DGKD: variants seen among roughly 807,000 people sequenced by gnomAD.
DGKD encodes diacylglycerol kinase delta.
A neutral mutation model predicts 154.4 loss-of-function variants in DGKD; 68 were observed. That is an observed-to-expected ratio of 0.44 (90% CI 0.36 to 0.54). The LOEUF is 0.54. Among genes scored for constraint, DGKD ranks in the 20% least tolerant of loss-of-function variants. The pLI is 0.00. For missense variants in DGKD, 1,343 were observed against 1,593.6 expected (o/e 0.84, Z 2.68); for synonymous variants, 693 against 638.0 (o/e 1.09, Z -1.30).
intron 3 of DGKD, among the ~76,000 whole-genome samples, chr2:233,421,842 G>A (rs2062126438): frequency 6.6e-6 from 1 of 152,234 alleles, no homozygotes. Context: ...TTCCGCAGGA[G>A]CAGGAATCTT....
rs1182776540 is a variant in DGKD, at chr2:233,458,615, T to A, written c.2694+218T>A. Among the ~76,000 whole-genome samples, 2 of 150,554 alleles carry A rather than the reference T, an allele frequency of 1.3e-5. No homozygotes were observed. The highest frequency in any genetic ancestry group is 3.0e-5 in the Non-Finnish European group (2 of 67,476). Reference sequence around the variant, plus strand: ...ATTCTCAAGATAACTCTTTTTAATTTTTTTTTTTTTTTTTGAGACAGAGTC... The same window carrying A: ...ATTCTCAAGATAACTCTTTTTAATTATTTTTTTTTTTTTTGAGACAGAGTC... On this transcript the variant is annotated intron_variant, in intron 22 of 29. Coordinates refer to ENST00000264057, the MANE Select transcript of DGKD (RefSeq NM_152879.3). The surrounding 1 kb of genome is among the most constrained non-coding windows in gnomAD (Gnocchi z 6.6).
chr2:233,462,570 G>T, intron 25 of DGKD, 73 bp from the exon 26 acceptor site: 1 of 1,552,906 alleles, frequency 6.4e-7, no homozygotes, highest in Non-Finnish European at 8.9e-7. Context: ...GGCCCTCCCA[G>T]TGCTTGTTCC....
chr2:233,428,823 GTC>G (rs1401970694), intron 3 of DGKD, among the ~76,000 whole-genome samples: 1 of 152,104 alleles, frequency 6.6e-6, no homozygotes, highest in African/African-American at 2.4e-5. Flanking sequence ...TCAGATCTGG[GTC>G]TCTCTCAGGC....
At chr2:233,412,629 G>A (rs940428785) in intron 3 of DGKD, among the ~76,000 whole-genome samples, 1 of 152,198 alleles carries the variant, frequency 6.6e-6, no homozygotes, top group Non-Finnish European at 1.5e-5. Context: ...CCAGTACAGT[G>A]TTGAATAGGA....
At position 233,418,761 on chromosome 2, in the gene DGKD, G is replaced by A. The variant is rs561605935; in HGVS notation, c.349-15619G>A. 7.9e-5 allele frequency among the ~76,000 whole-genome samples: 12 copies of A among 152,302 alleles called. No homozygotes were observed. In the East Asian group the frequency reaches 2.3e-3, roughly 29 times the overall value. On this transcript the variant is annotated intron_variant, in intron 3 of 29. Transcript: ENST00000264057. Reference sequence around the variant, plus strand: ...GCTGCTCTGAGGCTGCAGGTGAGATGCAGCCCAGGAGAGGAAGTGCATGAC... The same window carrying A: ...GCTGCTCTGAGGCTGCAGGTGAGATACAGCCCAGGAGAGGAAGTGCATGAC...
intron 16 of DGKD, 37 bp downstream of exon 16, chr2:233,450,168 G>T: frequency 6.4e-7 from 1 of 1,567,824 alleles, no homozygotes; most frequent in East Asian, 2.3e-5. Context: ...GCACCGTCGT[G>T]TGCTTGGTTT....
Position 233,383,508 on chromosome 2 carries a change from A to G in DGKD, c.157-4749A>G, listed in dbSNP as rs548952020. 2.2e-4 allele frequency among the ~76,000 whole-genome samples: 33 copies of G among 152,282 alleles called. No homozygotes were observed. In the East Asian group the frequency reaches 3.1e-3, roughly 14 times the overall value. On this transcript the variant is annotated intron_variant, in intron 1 of 29. Coordinates refer to ENST00000264057, the MANE Select transcript of DGKD (RefSeq NM_152879.3). ...TAGTTGAGTTTAGCAGTCATAGCTT[A>G]TATCTAATATTTTTTTCTATTACAT...
intron 1 of DGKD, among the ~76,000 whole-genome samples, chr2:233,357,537 C>CTTT (rs374813757): frequency 4.0e-4 from 52 of 129,186 alleles, no homozygotes; most frequent in African/African-American, 1.3e-3. Context: ...TTCTTTCTTT[C>CTTT]TTTTTTTTTT....
intron 1 of DGKD, among the ~76,000 whole-genome samples, chr2:233,383,164 C>T (rs1014459810): frequency 1.3e-4 from 20 of 151,946 alleles, no homozygotes; most frequent in African/African-American, 4.4e-4. Flanking sequence ...TCCCAGCCAC[C>T]GAAGTAGCTG....
rs570829465 is a variant in DGKD at position 233,375,809 on chromosome 2, T to C, written c.157-12448T>C. On this transcript the variant is annotated intron_variant, in intron 1 of 29. Transcript: ENST00000264057. ...TCACATCAGCCTGTGTCTTTCTTGT[T>C]TCATCTGTCTCCACCCCCTACCCAC... 1.3e-4 allele frequency among the ~76,000 whole-genome samples: 20 copies of C among 152,280 alleles called. No individual in the cohort carries two copies. In the South Asian group the frequency reaches 4.1e-3, roughly 32 times the overall value.
chr2:233,418,824 A>G (rs1195607130), intron 3 of DGKD, among the ~76,000 whole-genome samples: 2 of 152,128 alleles, frequency 1.3e-5, no homozygotes, highest in African/African-American at 2.4e-5. Flanking sequence ...GGTTGCAGAC[A>G]GGGCAGCGTG....
Position 233,448,087 on chromosome 2 carries a change from G to C in DGKD, c.1420G>C (p.Val474Leu), listed in dbSNP as rs2063144623. Residue 474 changes from valine (V) to leucine (L), a missense_variant and splice_region_variant, in exon 13 of 30, where the codon GTA becomes CTA. Val to Leu is a conservative substitution (Grantham distance 32). Coordinates refer to ENST00000264057, the MANE Select transcript of DGKD (RefSeq NM_152879.3). ...VTEDFSEDSE[V>L]QQILFYEDSV... ...TCCTGGCCATTTGGGGTGATTGCAG[G>C]TACAGCAGATTCTCTTCTATGAAGA... 2 of 1,613,996 alleles carry C rather than the reference G, an allele frequency of 1.2e-6. No homozygotes were observed. The highest frequency in any genetic ancestry group is 1.7e-6 in the Non-Finnish European group (2 of 1,180,008).
At position 233,354,813 on chromosome 2, in the gene DGKD, C is replaced by A; in HGVS notation, c.156+139C>A. 3.0e-6 allele frequency: 1 copy of A among 331,462 alleles called. No homozygotes were observed. The allele number at this position is 331,462 out of a possible 1,614,324, so 20.5% of individuals were successfully genotyped here. ...GTCCCGCGGGCGTCACCGCCCCTGT[C>A]GAGCGTGCCCCGCCGCTGTAACGGG... On this transcript the variant is annotated intron_variant, in intron 1 of 29. Coordinates refer to ENST00000264057, the MANE Select transcript of DGKD (RefSeq NM_152879.3). The surrounding 1 kb of genome is among the most constrained non-coding windows in gnomAD (Gnocchi z 4.8).
At chr2:233,405,393 C>T (rs187495311) in intron 3 of DGKD, among the ~76,000 whole-genome samples, 1 of 152,272 alleles carries the variant, frequency 6.6e-6, no homozygotes, top group African/African-American at 2.4e-5. Flanking sequence ...TGGCACATGC[C>T]TGTAATCCCA....
chr2:233,435,633 C>T (rs112497814), intron 5 of DGKD, among the ~76,000 whole-genome samples, 185 bp from the exon 6 acceptor site: 10 of 152,326 alleles, frequency 6.6e-5, no homozygotes, highest in African/African-American at 1.7e-4. Flanking sequence ...CCAGCTTTCC[C>T]TGCCGCTGCC....
intron 3 of DGKD, among the ~76,000 whole-genome samples, chr2:233,425,827 T>C (rs1209897159): frequency 3.3e-5 from 5 of 152,268 alleles, no homozygotes; most frequent in Non-Finnish European, 7.3e-5. Flanking sequence ...TTCAAATATT[T>C]TGTCTTTATA....
At position 233,452,407 on chromosome 2, in the gene DGKD, A is replaced by ACC. The variant is rs2063324347; in HGVS notation, c.2264+347_2264+348insCC. ...TGCTCTTCGTGGTCACTCTCCCATG[A>ACC]TCTTGGCTGGACCTCACTGACTTCT... On this transcript the variant is annotated intron_variant, in intron 18 of 29. Transcript: ENST00000264057. This position sits in a 1 kb window ranked among gnomAD's most constrained non-coding sequence, Gnocchi z 4.0. Among the ~76,000 whole-genome samples, 1 of 152,046 alleles carries ACC rather than the reference A, an allele frequency of 6.6e-6. No individual in the cohort carries two copies. The highest frequency in any genetic ancestry group is 6.5e-5 in the Admixed American group (1 of 15,284).
rs1388766406 is a variant in DGKD at position 233,456,976 on chromosome 2, A to T, written c.2453A>T (p.Glu818Val). 1 of 1,614,116 alleles carries T rather than the reference A, an allele frequency of 6.2e-7. No homozygotes were observed. Among genetic ancestry groups the T allele is most frequent in the Non-Finnish European group, 8.5e-7 (1 of 1,179,972 alleles). Residue 818 changes from glutamate (E) to valine (V), a missense_variant, in exon 20 of 30, where the codon GAG becomes GTG. Glu to Val is a moderately radical substitution (Grantham distance 121). Around this residue, in one of 6 missense-constraint regions of DGKD, gnomAD observed 60 missense variants for 112.4 expected, o/e 0.53. Coordinates refer to ENST00000264057, the MANE Select transcript of DGKD (RefSeq NM_152879.3). ...ELLHRTYKNL[E>V]QKVLLECDGR... The stretch of plus-strand genomic sequence containing the variant: ...CTGCACAGAACCTACAAGAACCTGG[A>T]GCAAAAGGTCTTGCTGGAGGTGAGT...
chr2:233,379,007 G>T (rs1356377630), intron 1 of DGKD, among the ~76,000 whole-genome samples: 1 of 152,244 alleles, frequency 6.6e-6, no homozygotes, highest in African/African-American at 2.4e-5. Context: ...GCCCAGCCTG[G>T]TTGGCAGTGT....
Sources: allele counts gnomAD v4.1 joint callset (sites outside exome capture counted in the v4.1 genomes callset), GRCh38; gene constraint gnomAD v4.1.1; regional missense constraint gnomAD v4.1.1; non-coding constraint Gnocchi (gnomAD v3.1); transcripts MANE v1.5; gene names NCBI Gene and HGNC (gene_info 2026-07-23, HGNC 2026-07-21).